Variants in HGS observed in about 807,000 individuals in gnomAD.
The protein encoded by HGS is hepatocyte growth factor-regulated tyrosine kinase substrate, also known as human growth factor-regulated tyrosine kinase substrate.
A neutral mutation model predicts 109.7 loss-of-function variants in HGS; 63 were observed. The ratio of observed to expected loss-of-function variants is 0.57; its 90% CI spans 0.47 to 0.71. The LOEUF (loss-of-function observed/expected upper bound fraction) is 0.71, where lower values mean the gene tolerates loss of function less well. HGS is among the 30% of genes least tolerant of loss of function. The pLI is 0.00. For synonymous variants in HGS, 546 were observed against 437.3 expected (o/e 1.25, Z -3.10); for missense variants, 995 against 1,068.3 (o/e 0.93, Z 0.96).
intron 1 of HGS, among the ~76,000 whole-genome samples, chr17:81,684,628 G>T (rs956576298): frequency 6.6e-6 from 1 of 152,150 alleles, no homozygotes. Context: ...TTAGGAAGGC[G>T]TTTTCTCACG....
chr17:81,697,254 G>A (rs2037165994), intron 18 of HGS: 5 of 435,858 alleles, frequency 1.1e-5, no homozygotes, highest in Non-Finnish European at 2.1e-5. Flanking sequence ...ACCAGCAGGT[G>A]CTGGGCTGCC....
In HGS at chr17:81,688,694, C is replaced by G. The variant is rs372376003; in HGVS notation, c.292-10C>G. On this transcript the variant is annotated splice_polypyrimidine_tract_variant and intron_variant, in intron 4 of 21. Coordinates refer to ENST00000329138, the MANE Select transcript of HGS (RefSeq NM_004712.5). ...TCCTGCGACCCTCACCCCCTTCTCCCTGCCTGCAGAGACAAGTGGAGGTAA... is the reference window on the plus strand; with the variant it reads ...TCCTGCGACCCTCACCCCCTTCTCCGTGCCTGCAGAGACAAGTGGAGGTAA... The G allele has an allele frequency of 6.2e-7, 1 of 1,613,400 alleles. No homozygotes were observed. The highest frequency in any genetic ancestry group is 1.7e-5 in the Admixed American group (1 of 59,958).
At chr17:81,686,261 A>T in intron 2 of HGS, 51 bp from the exon 3 acceptor site, 1 of 1,479,716 alleles carries the variant, frequency 6.8e-7, no homozygotes, top group Non-Finnish European at 9.4e-7. Flanking sequence ...TTAGTTGCTG[A>T]GACTATTTTT....
intron 15 of HGS, 69 bp downstream of exon 15, chr17:81,696,068 G>T: frequency 7.3e-7 from 1 of 1,360,648 alleles, no homozygotes; most frequent in South Asian, 1.4e-5. Context: ...CCTGGGCCAG[G>T]GCCTCCCCTG....
chr17:81,698,104 G>C (rs1337849746), intron 18 of HGS: 1 of 152,174 alleles, frequency 6.6e-6, no homozygotes, highest in African/African-American at 2.4e-5. Flanking sequence ...TTCAAGACCA[G>C]CCTGCCAGGA....
Position 81,684,027 on chromosome 17 carries a change from G to A in HGS, c.-40G>A. 1 of 1,577,002 alleles carries A rather than the reference G, an allele frequency of 6.3e-7. No homozygotes were observed. Among genetic ancestry groups the A allele is most frequent in the Non-Finnish European group, 8.6e-7 (1 of 1,165,358 alleles). ...TCGGGGGGCGCGCCAGCTCGTAGCAGGGGAGCGCCCGCGGCGTCGGGTTTG... is the reference window on the plus strand; with the variant it reads ...TCGGGGGGCGCGCCAGCTCGTAGCAAGGGAGCGCCCGCGGCGTCGGGTTTG... On this transcript the variant is annotated 5_prime_UTR_variant, in exon 1 of 22. Transcript: ENST00000329138.
chr17:81,688,840 T>C lies in HGS; in HGVS notation c.415+13T>C. Reference sequence around the variant, plus strand: ...ATGAAGGTGGAGGGTGAGTCAGGACTGAGGTTGGGACCAGGTTGAGGCTTG... The same window carrying C: ...ATGAAGGTGGAGGGTGAGTCAGGACCGAGGTTGGGACCAGGTTGAGGCTTG... On this transcript the variant is annotated intron_variant, in intron 5 of 21. Coordinates refer to ENST00000329138, the MANE Select transcript of HGS (RefSeq NM_004712.5). 6.2e-7 allele frequency: 1 copy of C among 1,614,022 alleles called. No homozygotes were observed. The highest frequency in any genetic ancestry group is 8.5e-7 in the Non-Finnish European group (1 of 1,179,984).
In HGS at chr17:81,701,142, C is replaced by T. The variant is rs2037231071; in HGVS notation, c.2223+11C>T. ...CCCATGTACCAGCAGGTGAGCCATT[C>T]CCGGGGCCTCACAGCGGCACCCGCA... On this transcript the variant is annotated intron_variant, in intron 21 of 21. Transcript: ENST00000329138. 4 of 1,611,606 alleles carry T rather than the reference C, an allele frequency of 2.5e-6. No individual in the cohort carries two copies. Among genetic ancestry groups the T allele is most frequent in the African/African-American group, 1.3e-5 (1 of 75,014 alleles).
At chr17:81,685,566 C>A in intron 1 of HGS, 39 bp from the exon 2 acceptor site, 2 of 1,504,120 alleles carry the variant, frequency 1.3e-6, no homozygotes, top group Non-Finnish European at 1.8e-6. Flanking sequence ...GGGCGTCCAG[C>A]AGGATAACCC....
At chr17:81,691,000 C>T (rs1044807967) in intron 7 of HGS, among the ~76,000 whole-genome samples, 1 of 152,214 alleles carries the variant, frequency 6.6e-6, no homozygotes. Context: ...GGCCTTGCCA[C>T]AGTCACTCTG....
Position 81,693,597 on chromosome 17 carries a change from C to T in HGS, c.741+16C>T, listed in dbSNP as rs750550199. On this transcript the variant is annotated intron_variant, in intron 9 of 21. Coordinates refer to ENST00000329138, the MANE Select transcript of HGS (RefSeq NM_004712.5). Reference sequence around the variant, plus strand: ...GCAGTCCCAGGTACTCAGCCCCCTCCGTCCCGTGGGCACCTCTTCCCCGGC... The same window carrying T: ...GCAGTCCCAGGTACTCAGCCCCCTCTGTCCCGTGGGCACCTCTTCCCCGGC... 45 of 1,569,860 alleles carry T rather than the reference C, an allele frequency of 2.9e-5. No homozygotes were observed. Among genetic ancestry groups the T allele is most frequent in the Middle Eastern group, 1.7e-4 (1 of 5,764 alleles).
In HGS at chr17:81,690,408, G is replaced by T. The variant is rs947550194; in HGVS notation, c.468+174G>T. ...GTAGCAGCTGTCTCTGCAGGGCGAG[G>T]TGGAGACGTGGCTTGAGGGCCTTTA... is the stretch of plus-strand genomic sequence containing the variant. On this transcript the variant is annotated intron_variant, in intron 6 of 21. Coordinates refer to ENST00000329138, the MANE Select transcript of HGS (RefSeq NM_004712.5). 8 of 714,158 alleles carry T rather than the reference G, an allele frequency of 1.1e-5. No homozygotes were observed. The East Asian group carries it at 2.1e-4, about 19-fold the overall frequency. 44.2% of individuals were successfully genotyped at this position (714,158 alleles called of 1,614,324 possible).
rs193021142 is a variant in HGS at position 81,687,117 on chromosome 17, G to A, written c.291+22G>A. On this transcript the variant is annotated intron_variant, in intron 4 of 21. Coordinates refer to ENST00000329138, the MANE Select transcript of HGS (RefSeq NM_004712.5). ...GAAGGTGGGTGAGACGGGGGCATGC[G>A]GGTGGCCACCCAGGCTGGCACCTTT... The A allele has an allele frequency of 7.4e-5, 116 of 1,574,768 alleles. 1 individual carries two copies. In the East Asian group the frequency reaches 1.8e-3, roughly 24 times the overall value.
chr17:81,695,311 C>T (rs568000972), intron 14 of HGS, 88 bp downstream of exon 14: 18 of 1,403,042 alleles, frequency 1.3e-5, no homozygotes, highest in Admixed American at 5.2e-5. Context: ...CCTGCCCTAA[C>T]CAGAGGGCCG....
At position 81,695,148 on chromosome 17, in the gene HGS, A is replaced by G. The variant is rs996632130; in HGVS notation, c.1120-16A>G. 6 of 1,613,842 alleles carry G rather than the reference A, an allele frequency of 3.7e-6. No individual in the cohort carries two copies. The highest frequency in any genetic ancestry group is 2.2e-5 in the East Asian group (1 of 44,890). On this transcript the variant is annotated splice_polypyrimidine_tract_variant and intron_variant, in intron 13 of 21. Transcript: ENST00000329138. ...GCGGGACAGGTTGGAGGCCCCACTC[A>G]TTCTCTCTCTTCCAGAACCCCCTCC...
chr17:81,685,051 T>A (rs1361915009), intron 1 of HGS: 1 of 985,028 alleles, frequency 1.0e-6, no homozygotes, highest in East Asian at 1.1e-4. Flanking sequence ...GAGACAGCAG[T>A]GATGTGGTAT....
Position 81,690,672 on chromosome 17 carries a change from A to C in HGS, c.469-2A>C. On this transcript the variant is annotated splice_acceptor_variant, in intron 6 of 21. Transcript: ENST00000329138. LOFTEE classifies it high-confidence loss of function. ...GTGGTCCTGACTGCTGCCCCTCCTCAGGCCCCAGACTGGGTGGACGCTGAG... is the reference window on the plus strand; with the variant it reads ...GTGGTCCTGACTGCTGCCCCTCCTCCGGCCCCAGACTGGGTGGACGCTGAG... The C allele has an allele frequency of 6.2e-7, 1 of 1,611,884 alleles. No homozygotes were observed. Among genetic ancestry groups the C allele is most frequent in the Non-Finnish European group, 8.5e-7 (1 of 1,179,218 alleles).
chr17:81,698,232 G>A (rs1306307244), intron 18 of HGS: 1 of 152,204 alleles, frequency 6.6e-6, no homozygotes, highest in African/African-American at 2.4e-5. Context: ...GGGAAGTGGA[G>A]GTTGCAGTGA....
chr17:81,691,461 G>C lies in HGS; in HGVS notation c.552G>C (p.Ala184=), dbSNP rs1367335227. 2.5e-6 allele frequency: 4 copies of C among 1,613,974 alleles called. No individual in the cohort carries two copies. Among genetic ancestry groups the C allele is most frequent in the Non-Finnish European group, 3.4e-6 (4 of 1,180,012 alleles). ...GVMTRKHHCR[A]CGQIFCGKCS... ...CCATCTTACAGCACCACTGCCGGGC[G>C]TGTGGGCAGATATTCTGTGGAAAGT... Residue 184 remains alanine (A), a synonymous_variant, in exon 8 of 22, where the codon GCG becomes GCC. Coordinates refer to ENST00000329138, the MANE Select transcript of HGS (RefSeq NM_004712.5). The surrounding 1 kb of genome is among the most constrained non-coding windows in gnomAD (Gnocchi z 5.3).
Sources: gnomAD v4.1 joint callset for allele counts (sites outside exome capture counted in the v4.1 genomes callset) on GRCh38, gnomAD v4.1.1 for gene constraint, Gnocchi (gnomAD v3.1) non-coding constraint, MANE v1.5 for transcripts, NCBI Gene and HGNC (gene_info 2026-07-23, HGNC 2026-07-21) for gene names.